Variants in DAPP1 observed in about 807,000 individuals in gnomAD.
DAPP1 encodes dual adapter for phosphotyrosine and 3-phosphotyrosine and 3-phosphoinositide.
DAPP1 carries 20 observed loss-of-function variants against 41.5 expected under a neutral mutation model. That is an observed-to-expected ratio of 0.48 (90% confidence interval 0.34 to 0.70). The LOEUF is 0.70. Ranked by LOEUF, DAPP1 falls within the 30% of genes least tolerant of loss-of-function variation. The pLI is 0.01. For synonymous variants in DAPP1, 113 were observed against 116.2 expected, an observed-to-expected ratio of 0.97 and a Z score of 0.18; for missense variants, 233 against 333.4, an observed-to-expected ratio of 0.70 and a Z score of 2.35.
In DAPP1 at chr4:99,827,552, AACAAAAC is replaced by A. The variant is rs1164055381; in HGVS notation, c.102-8069_102-8063del. Among the ~76,000 whole-genome samples the A allele has an allele frequency of 1.8e-3, 229 of 124,402 alleles. 6 individuals carry two copies. Among genetic ancestry groups the A allele is most frequent in the Non-Finnish European group, 2.9e-3 (177 of 62,056 alleles). The allele number at this position is 124,402 out of a possible 152,430, so 81.6% of individuals were successfully genotyped here. On this transcript the variant is annotated intron_variant, in intron 1 of 8. Coordinates refer to ENST00000512369, the MANE Select transcript of DAPP1 (RefSeq NM_014395.3). ...CGTCTCAAAAAAAAAACAACAAAAA[AACAAAAC>A]AAAAAACACCATCACACTTATAAGT...
At chr4:99,829,452 C>G (rs1723047269) in intron 1 of DAPP1, among the ~76,000 whole-genome samples, 1 of 152,134 alleles carries the variant, frequency 6.6e-6, no homozygotes, top group East Asian at 1.9e-4. Flanking sequence ...TGCACTCCAG[C>G]CTGGGTGACA....
At chr4:99,863,134 G>A in intron 6 of DAPP1, 62 bp downstream of exon 6, 1 of 1,053,460 alleles carries the variant, frequency 9.5e-7, no homozygotes, top group South Asian at 1.8e-5. Context: ...AAGAAACTTA[G>A]GTCTTTAAAA....
intron 1 of DAPP1, among the ~76,000 whole-genome samples, chr4:99,825,790 G>T (rs1396305675): frequency 4.6e-5 from 7 of 152,090 alleles, no homozygotes; most frequent in Admixed American, 3.9e-4. Flanking sequence ...AGGGTCCATT[G>T]CTATTATCAA....
At chr4:99,836,157 C>G (rs1723291636) in intron 2 of DAPP1, among the ~76,000 whole-genome samples, 1 of 152,180 alleles carries the variant, frequency 6.6e-6, no homozygotes, top group East Asian at 1.9e-4. Context: ...CTTTCATAGT[C>G]ACAACCTCAA....
chr4:99,865,972 A>ATATAT (rs1724441129), intron 7 of DAPP1, 62 bp from the exon 8 acceptor site: 1 of 147,438 alleles, frequency 6.8e-6, no homozygotes, highest in African/African-American at 3.3e-5. Flanking sequence ...TATATTATAT[A>ATATAT]TATATATATA....
intron 2 of DAPP1, among the ~76,000 whole-genome samples, chr4:99,837,473 G>A (rs1723341879): frequency 6.6e-6 from 1 of 152,122 alleles, no homozygotes; most frequent in Non-Finnish European, 1.5e-5. Flanking sequence ...CATTTCTCAT[G>A]TCACCCTGTT....
intron 7 of DAPP1, 38 bp downstream of exon 7, chr4:99,863,893 TC>T (rs1423446042): frequency 2.2e-6 from 3 of 1,340,484 alleles, no homozygotes; most frequent in Non-Finnish European, 3.1e-6. Context: ...TTTAATGTCT[TC>T]TTGCCAGACA....
At chr4:99,842,174 G>C (rs1320251781) in intron 3 of DAPP1, among the ~76,000 whole-genome samples, 1 of 152,208 alleles carries the variant, frequency 6.6e-6, no homozygotes, top group African/African-American at 2.4e-5. Flanking sequence ...AAGCTTCCTT[G>C]TAAATACACT....
chr4:99,840,222 A>G (rs1723449846), intron 2 of DAPP1, 67 bp from the exon 3 acceptor site: 4 of 1,142,784 alleles, frequency 3.5e-6, no homozygotes, highest in Non-Finnish European at 3.6e-6. Flanking sequence ...AACATCTGAG[A>G]TCATATTTCC....
chr4:99,857,701 T>TACAC (rs140943788), intron 4 of DAPP1, among the ~76,000 whole-genome samples: 6,953 of 143,018 alleles, frequency 0.049, 148 homozygotes, highest in Non-Finnish European at 0.065. Flanking sequence ...TGTATGTATA[T>TACAC]ACACACACAC....
chr4:99,868,506 A>G lies in DAPP1; in HGVS notation c.*321A>G, dbSNP rs921080648. On this transcript the variant is annotated 3_prime_UTR_variant, in exon 9 of 9. Coordinates refer to ENST00000512369, the MANE Select transcript of DAPP1 (RefSeq NM_014395.3). Reference sequence around the variant, plus strand: ...TTGTTTTCACTCATTGTGGTCCCCAAGCCTATTGACACTAGTTGCCTAGAG... The same window carrying G: ...TTGTTTTCACTCATTGTGGTCCCCAGGCCTATTGACACTAGTTGCCTAGAG... The G allele has an allele frequency of 7.3e-6, 2 of 274,984 alleles. No homozygotes were observed. The highest frequency in any genetic ancestry group is 4.4e-5 in the African/African-American group (2 of 45,440). The allele number at this position is 274,984 out of a possible 1,614,324, so 17.0% of individuals were successfully genotyped here. A position where few individuals can be genotyped will look rare whatever the true frequency, so the allele number is the denominator to read the frequency against.
intron 1 of DAPP1, among the ~76,000 whole-genome samples, chr4:99,821,614 C>T (rs1352070489): frequency 6.6e-6 from 1 of 152,198 alleles, no homozygotes; most frequent in African/African-American, 2.4e-5. Context: ...GAGTTTTAAT[C>T]ACATGCTTAA....
At chr4:99,847,837 C>CA in intron 3 of DAPP1, among the ~76,000 whole-genome samples, 1 of 143,430 alleles carries the variant, frequency 7.0e-6, no homozygotes, top group East Asian at 2.1e-4. Flanking sequence ...TGTTTTGAGA[C>CA]AGAGTCTCAC....
At chr4:99,842,856 T>C (rs554531125) in intron 3 of DAPP1, among the ~76,000 whole-genome samples, 19 of 148,288 alleles carry the variant, frequency 1.3e-4, no homozygotes, top group Admixed American at 6.0e-4. Flanking sequence ...TTCTTTCTTT[T>C]TTTTTTTTTT....
intron 1 of DAPP1, 118 bp downstream of exon 1, chr4:99,817,132 C>T (rs113314790): frequency 4.6e-6 from 3 of 650,058 alleles, no homozygotes; most frequent in African/African-American, 1.9e-5. Context: ...GCCACCTCAA[C>T]CATTTATTTT....
chr4:99,835,339 G>C (rs1213092554), intron 1 of DAPP1, among the ~76,000 whole-genome samples: 1 of 152,086 alleles, frequency 6.6e-6, no homozygotes, highest in Admixed American at 6.5e-5. Context: ...TAAAGACCCT[G>C]TCTCCAAACA....
chr4:99,861,771 T>A, intron 5 of DAPP1, 146 bp downstream of exon 5: 1 of 952,264 alleles, frequency 1.1e-6, no homozygotes, highest in African/African-American at 1.7e-5. Context: ...ACTCAAGAGT[T>A]CATTTTTATG....
intron 4 of DAPP1, among the ~76,000 whole-genome samples, chr4:99,855,403 G>A (rs1724011022): frequency 6.6e-6 from 1 of 152,212 alleles, no homozygotes; most frequent in Non-Finnish European, 1.5e-5. Context: ...ATTGGTGTGA[G>A]CAGAAGATAT....
intron 1 of DAPP1, among the ~76,000 whole-genome samples, chr4:99,828,907 C>A (rs539582400): frequency 6.6e-6 from 1 of 152,140 alleles, no homozygotes; most frequent in East Asian, 1.9e-4. Flanking sequence ...AATGTGTGGG[C>A]CTTGGGGAAA....
Sources: gnomAD v4.1 joint callset for allele counts (sites outside exome capture counted in the v4.1 genomes callset) on GRCh38, gnomAD v4.1.1 for gene constraint, MANE v1.5 for transcripts, NCBI Gene and HGNC (gene_info 2026-07-23, HGNC 2026-07-21) for gene names.